Variants in HNRNPA3 observed in about 807,000 individuals in gnomAD.
HNRNPA3 encodes epididymis secretory sperm binding protein.
In HNRNPA3, 3 loss-of-function variants were observed where a neutral mutation model predicts 45.8. The observed-to-expected ratio is 0.07, with a 90% CI of 0.03 to 0.17. HNRNPA3 has a LOEUF of 0.17. Ranked by LOEUF, HNRNPA3 falls within the 10% of genes least tolerant of loss-of-function variation. The pLI, the probability that HNRNPA3 is intolerant of heterozygous loss-of-function variation, is 1.00. For missense variants in HNRNPA3, 183 were observed against 480.3 expected (o/e 0.38, Z 5.79); for synonymous variants, 170 against 155.6 (o/e 1.09, Z -0.69).
chr2:177,220,473 C>CT (rs150272823), downstream of HNRNPA3: 4,510 of 153,902 alleles, frequency 0.029, 242 homozygotes, highest in African/African-American at 0.1. Flanking sequence ...ACTTTAAATT[C>CT]TTTTTTTTGA....
chr2:177,216,618 C>G, intron 5 of HNRNPA3, 26 bp downstream of exon 5: 1 of 1,610,246 alleles, frequency 6.2e-7, no homozygotes, highest in Non-Finnish European at 8.5e-7. Flanking sequence ...CACATGTATA[C>G]AGTGGATATG....
At chr2:177,222,159 C>T (rs1476617266), downstream of HNRNPA3, 1 of 152,610 alleles carries the variant, frequency 6.6e-6, no homozygotes, top group Admixed American at 6.5e-5. Context: ...GACAGTAAAA[C>T]CTGATGACAC....
At chr2:177,216,980 T>A in intron 7 of HNRNPA3, 40 bp downstream of exon 7, 1 of 1,434,740 alleles carries the variant, frequency 7.0e-7, no homozygotes, top group Non-Finnish European at 9.3e-7. Flanking sequence ...TATTTTAACT[T>A]TCTTTACTTA....
At chr2:177,217,360 T>A (rs958163346) in intron 7 of HNRNPA3, among the ~76,000 whole-genome samples, 32 of 152,224 alleles carry the variant, frequency 2.1e-4, no homozygotes, top group Non-Finnish European at 8.8e-5. Context: ...TTAAATGTAA[T>A]ATAAAACCAG....
At chr2:177,217,615 A>AG (rs1689000501) in intron 7 of HNRNPA3, 90 bp from the exon 8 acceptor site, 1 of 1,517,244 alleles carries the variant, frequency 6.6e-7, no homozygotes, top group African/African-American at 1.4e-5. Context: ...CAACAGAGCA[A>AG]GACCCAGTCT....
downstream of HNRNPA3, chr2:177,220,700 C>CT (rs1178016720): frequency 6.6e-6 from 1 of 152,558 alleles, no homozygotes; most frequent in East Asian, 1.9e-4. Flanking sequence ...TTTGGATAGT[C>CT]TGAGTTCTTA....
intron 1 of HNRNPA3, among the ~76,000 whole-genome samples, chr2:177,214,349 G>T (rs1688831927): frequency 6.6e-6 from 1 of 152,188 alleles, no homozygotes; most frequent in East Asian, 1.9e-4. Flanking sequence ...GTTATAGAAA[G>T]CTATTTGATC....
chr2:177,218,927 A>T (rs1689075735), intron 8 of HNRNPA3, 110 bp from the exon 9 acceptor site: 1 of 1,296,430 alleles, frequency 7.7e-7, no homozygotes, highest in African/African-American at 1.5e-5. Flanking sequence ...TACCACAGTG[A>T]TGTGTATAAG....
chr2:177,219,268 G>C (rs1236790852), exon 10 of HNRNPA3: 1 of 1,613,702 alleles, frequency 6.2e-7, no homozygotes, highest in Non-Finnish European at 8.5e-7. Context: ...TCTGGTGGTG[G>C]AAGTGGTGGA....
At chr2:177,215,331 G>GT (rs1468258248) in intron 1 of HNRNPA3, among the ~76,000 whole-genome samples, 2 of 152,162 alleles carry the variant, frequency 1.3e-5, no homozygotes, top group Admixed American at 1.3e-4. Flanking sequence ...CTGACCTCAG[G>GT]TAATCCATCT....
chr2:177,218,705 A>AT (rs1400713547), intron 8 of HNRNPA3, among the ~76,000 whole-genome samples: 3 of 152,244 alleles, frequency 2.0e-5, no homozygotes, highest in African/African-American at 7.2e-5. Context: ...CCTAATTAAC[A>AT]TGTCAATGAC....
chr2:177,217,981 G>T, intron 8 of HNRNPA3, 136 bp downstream of exon 8: 1 of 732,138 alleles, frequency 1.4e-6, no homozygotes. Flanking sequence ...ATGGTTGGTA[G>T]TTCAAACCAA....
At chr2:177,216,655 T>C in intron 5 of HNRNPA3, 21 bp from the exon 6 acceptor site, 1 of 1,613,856 alleles carries the variant, frequency 6.2e-7, no homozygotes. Flanking sequence ...TTCTTAAAAA[T>C]CTCCCTTGCC....
At chr2:177,214,588 G>A (rs1688845691) in intron 1 of HNRNPA3, among the ~76,000 whole-genome samples, 1 of 152,168 alleles carries the variant, frequency 6.6e-6, no homozygotes, top group Non-Finnish European at 1.5e-5. Flanking sequence ...GAGGTCAGGA[G>A]ATCGAGACCA....
intron 8 of HNRNPA3, among the ~76,000 whole-genome samples, chr2:177,218,725 G>A (rs1407353578): frequency 6.6e-6 from 1 of 152,200 alleles, no homozygotes; most frequent in Non-Finnish European, 1.5e-5. Context: ...CAGATGAGTG[G>A]AAGTTTTAAC....
At chr2:177,212,915 T>G (rs2105421716) in intron 1 of HNRNPA3, 44 bp downstream of exon 1, 1 of 1,212,822 alleles carries the variant, frequency 8.2e-7, no homozygotes, top group South Asian at 1.6e-5. Context: ...TGGCCGGCGT[T>G]GGGGGCCTGG....
exon 1 of HNRNPA3, chr2:177,212,796 C>T: frequency 3.2e-6 from 5 of 1,564,272 alleles, no homozygotes; most frequent in Non-Finnish European, 3.5e-6. Flanking sequence ...AGTCCGGTCT[C>T]AAAATGGAGG....
At chr2:177,222,989 A>T (rs544885453), downstream of HNRNPA3, 1 of 152,604 alleles carries the variant, frequency 6.6e-6, no homozygotes, top group Non-Finnish European at 1.5e-5. Context: ...TTACCGTTCA[A>T]ACTGGTTGTT....
At chr2:177,217,626 C>G (rs558362811) in intron 7 of HNRNPA3, 79 bp from the exon 8 acceptor site, 1 of 1,566,712 alleles carries the variant, frequency 6.4e-7, no homozygotes, top group Non-Finnish European at 8.8e-7. Flanking sequence ...GACCCAGTCT[C>G]TTACACACAC....
Sources: allele counts gnomAD v4.1 joint callset (sites outside exome capture counted in the v4.1 genomes callset), GRCh38; gene constraint gnomAD v4.1.1; transcripts MANE v1.5; gene names NCBI Gene and HGNC (gene_info 2026-07-23, HGNC 2026-07-21).